Variants in DRC10 observed in about 807,000 individuals in gnomAD.
DRC10 encodes the protein IQ domain-containing protein D.
At chr12:113,205,253 C>T in the DRC10 span, among the ~76,000 whole-genome samples, 1 of 151,836 alleles carries the variant, frequency 6.6e-6, no homozygotes, top group Non-Finnish European at 1.5e-5. Context: ...GCTACTTAGG[C>T]CAGGCGCAGT....
chr12:113,211,917 T>C, the DRC10 span, among the ~76,000 whole-genome samples: 1 of 151,168 alleles, frequency 6.6e-6, no homozygotes, highest in South Asian at 2.1e-4. Flanking sequence ...AAAAAAAAAT[T>C]AGCCTGTCAT....
At chr12:113,204,038 C>T in the DRC10 span, among the ~76,000 whole-genome samples, 13 of 152,048 alleles carry the variant, frequency 8.5e-5, no homozygotes, top group South Asian at 2.1e-4. Context: ...CCCAGGAGTT[C>T]GAAACCAGCC....
chr12:113,217,173 AC>A, the DRC10 span, among the ~76,000 whole-genome samples: 1 of 151,920 alleles, frequency 6.6e-6, no homozygotes, highest in African/African-American at 2.4e-5. Flanking sequence ...TCAGAAACCA[AC>A]CCCCCAGGAA....
chr12:113,215,084 C>T, the DRC10 span, among the ~76,000 whole-genome samples: 4 of 152,164 alleles, frequency 2.6e-5, no homozygotes, highest in East Asian at 1.9e-4. Context: ...ACATGCCCCC[C>T]GGGACAGATT....
At chr12:113,215,766 G>T in the DRC10 span, among the ~76,000 whole-genome samples, 1 of 152,140 alleles carries the variant, frequency 6.6e-6, no homozygotes, top group East Asian at 1.9e-4. Flanking sequence ...GAATTTCCTA[G>T]TAGTGAATTT....
At chr12:113,200,183 G>A in the DRC10 span, 20 of 356,210 alleles carry the variant, frequency 5.6e-5, no homozygotes, top group Middle Eastern at 9.6e-4. Context: ...AGCTGGGCAG[G>A]AGTTGAGTAA....
the DRC10 span, chr12:113,207,839 C>G: frequency 1.9e-6 from 3 of 1,614,202 alleles, no homozygotes; most frequent in Non-Finnish European, 2.5e-6. Flanking sequence ...CTTTCTTTCT[C>G]TTTCAGGCAC....
the DRC10 span, among the ~76,000 whole-genome samples, chr12:113,211,942 G>A: frequency 6.6e-6 from 1 of 151,578 alleles, no homozygotes; most frequent in Non-Finnish European, 1.5e-5. Flanking sequence ...GCAGGTGCCT[G>A]TAGTCCCCGC....
At chr12:113,208,445 C>T in the DRC10 span, 1 of 970,626 alleles carries the variant, frequency 1.0e-6, no homozygotes. Context: ...GGCAGGAAGA[C>T]CAAGTGTGGA....
the DRC10 span, among the ~76,000 whole-genome samples, chr12:113,202,837 A>G: frequency 1.3e-5 from 2 of 152,234 alleles, no homozygotes; most frequent in Non-Finnish European, 2.9e-5. Context: ...TGTTTCCACT[A>G]CAGAGAAATA....
chr12:113,196,018 A>G, the DRC10 span: 2 of 1,361,556 alleles, frequency 1.5e-6, no homozygotes, highest in South Asian at 3.2e-5. Flanking sequence ...GCTGTTCAGC[A>G]TCTCTCGGTC....
the DRC10 span, among the ~76,000 whole-genome samples, chr12:113,209,435 T>G: frequency 2.0e-5 from 3 of 152,186 alleles, no homozygotes; most frequent in African/African-American, 7.2e-5. Context: ...TCTGTTACCC[T>G]GGCTGGAGTG....
the DRC10 span, chr12:113,195,614 G>C: frequency 2.5e-6 from 4 of 1,610,120 alleles, no homozygotes; most frequent in South Asian, 2.2e-5. Flanking sequence ...CTTTCTGCTT[G>C]CCCTTCTCCT....
chr12:113,214,519 A>G, the DRC10 span, among the ~76,000 whole-genome samples: 44 of 151,648 alleles, frequency 2.9e-4, no homozygotes, highest in Non-Finnish European at 4.3e-4. Flanking sequence ...AAAAAAAAAA[A>G]AAAAAAAAAG....
the DRC10 span, among the ~76,000 whole-genome samples, chr12:113,209,000 C>T: frequency 1.3e-5 from 2 of 152,182 alleles, no homozygotes; most frequent in Non-Finnish European, 2.9e-5. Context: ...GCCATGATCT[C>T]GGCTCACTGC....
At chr12:113,200,040 C>T in the DRC10 span, 4 of 254,838 alleles carry the variant, frequency 1.6e-5, 1 homozygote, top group South Asian at 1.5e-4. Context: ...CATGAGCCAC[C>T]TTACCCGGTC....
the DRC10 span, among the ~76,000 whole-genome samples, chr12:113,220,117 C>T: frequency 6.6e-6 from 1 of 152,026 alleles, no homozygotes; most frequent in Non-Finnish European, 1.5e-5. Flanking sequence ...AGCCACCGCG[C>T]CCGGCCCTTA....
chr12:113,198,382 G>A, the DRC10 span, among the ~76,000 whole-genome samples: 2 of 152,086 alleles, frequency 1.3e-5, no homozygotes, highest in African/African-American at 4.8e-5. Context: ...GTGAGGTGAA[G>A]CCACTGGGTG....
the DRC10 span, among the ~76,000 whole-genome samples, chr12:113,217,079 GCT>G: frequency 6.6e-6 from 1 of 152,000 alleles, no homozygotes; most frequent in Non-Finnish European, 1.5e-5. Context: ...ACAGAGAAAG[GCT>G]CTGTCTCAAA....
Sources: gnomAD v4.1 joint callset for allele counts (sites outside exome capture counted in the v4.1 genomes callset) on GRCh38, gnomAD v4.1.1 for gene constraint, MANE v1.5 for transcripts, NCBI Gene and HGNC (gene_info 2026-07-23, HGNC 2026-07-21) for gene names.